TPST2: variants seen among roughly 807,000 people sequenced by gnomAD.
TPST2 encodes tyrosylprotein sulfotransferase 2, also known as protein-tyrosine sulfotransferase 2.
TPST2 carries 16 observed loss-of-function variants against 27.8 expected under a neutral mutation model. That is an observed-to-expected ratio of 0.58 (90% confidence interval 0.39 to 0.88). TPST2 has a LOEUF of 0.88. Ranked by LOEUF, TPST2 falls within the 40% of genes least tolerant of loss-of-function variation. The pLI, the probability that TPST2 is intolerant of heterozygous loss-of-function variation, is 0.00. For missense variants in TPST2, 464 were observed against 543.1 expected (o/e 0.85, Z 1.45); for synonymous variants, 229 against 231.7 (o/e 0.99, Z 0.10).
intron 1 of TPST2, among the ~76,000 whole-genome samples, chr22:26,575,563 T>C (rs1927800717): frequency 6.6e-6 from 1 of 152,118 alleles, no homozygotes; most frequent in South Asian, 2.1e-4. Context: ...AGGAACAGGG[T>C]CTCTCCTGCT....
chr22:26,552,579 A>T (rs1926541058), intron 1 of TPST2, among the ~76,000 whole-genome samples: 1 of 151,924 alleles, frequency 6.6e-6, no homozygotes, highest in South Asian at 2.1e-4. Context: ...AAGTCATAAA[A>T]CCCATGTTTT....
intron 1 of TPST2, among the ~76,000 whole-genome samples, chr22:26,562,356 A>G (rs1927148124): frequency 6.6e-6 from 1 of 152,192 alleles, no homozygotes; most frequent in African/African-American, 2.4e-5. Context: ...CCCCACCATG[A>G]GCCAGACACT....
intron 5 of TPST2, 111 bp from the exon 6 acceptor site, chr22:26,528,373 A>C: frequency 7.8e-7 from 1 of 1,287,124 alleles, no homozygotes; most frequent in Non-Finnish European, 1.1e-6. Context: ...TTATTCACGT[A>C]GTATTTACTG....
chr22:26,550,091 C>G (rs907946552), intron 1 of TPST2, among the ~76,000 whole-genome samples: 3 of 151,632 alleles, frequency 2.0e-5, no homozygotes, highest in African/African-American at 7.3e-5. Context: ...TGGGAGGAAA[C>G]TTTGCTCCCT....
chr22:26,567,064 G>C (rs12628442), intron 1 of TPST2, among the ~76,000 whole-genome samples: 32,088 of 152,124 alleles, frequency 0.21, 3,750 homozygotes, highest in East Asian at 0.38. Flanking sequence ...CCCCCTGGGG[G>C]TGCAGTCATC....
chr22:26,537,275 C>A (rs1019429781), intron 3 of TPST2, among the ~76,000 whole-genome samples: 1 of 152,188 alleles, frequency 6.6e-6, no homozygotes, highest in Non-Finnish European at 1.5e-5. Flanking sequence ...GCCAGATTGC[C>A]TGGGTTCAGA....
chr22:26,553,041 C>T (rs972865231), intron 1 of TPST2, among the ~76,000 whole-genome samples: 4 of 110,918 alleles, frequency 3.6e-5, no homozygotes, highest in African/African-American at 1.4e-4. Context: ...GCCTGGGTGA[C>T]AACAGCGAAA....
At chr22:26,588,579 T>A (rs184139081) in intron 1 of TPST2, among the ~76,000 whole-genome samples, 2 of 152,290 alleles carry the variant, frequency 1.3e-5, no homozygotes, top group South Asian at 2.1e-4. Flanking sequence ...AAAGTTTGCA[T>A]GAGATTTTTA....
chr22:26,528,526 G>A (rs1924968836), intron 5 of TPST2, among the ~76,000 whole-genome samples: 1 of 152,198 alleles, frequency 6.6e-6, no homozygotes, highest in South Asian at 2.1e-4. Flanking sequence ...TGGGCAATAT[G>A]ACAGGCTGCT....
rs1374420723 is a variant in TPST2 at position 26,535,521 on chromosome 22, T to A, written c.1041+767A>T. 2.0e-5 allele frequency among the ~76,000 whole-genome samples: 3 copies of A among 152,248 alleles called. No individual in the cohort carries two copies. The East Asian group carries it at 5.8e-4, about 29-fold the overall frequency. ...GTCAGTCACTGGAGGCTCACACCTGTAATCTCAGCACTTTGGGAAGAGTGA... is the reference window on the plus strand; with the variant it reads ...GTCAGTCACTGGAGGCTCACACCTGAAATCTCAGCACTTTGGGAAGAGTGA... On this transcript the variant is annotated intron_variant, in intron 4 of 6. Transcript: ENST00000338754.
At chr22:26,563,007 A>G (rs1927195783) in intron 1 of TPST2, among the ~76,000 whole-genome samples, 2 of 152,184 alleles carry the variant, frequency 1.3e-5, no homozygotes, top group South Asian at 4.1e-4. Context: ...TAAACATCTT[A>G]CAATGCCCAG....
chr22:26,530,946 C>T (rs1484518652), intron 5 of TPST2, among the ~76,000 whole-genome samples: 1 of 151,624 alleles, frequency 6.6e-6, no homozygotes, highest in East Asian at 1.9e-4. Context: ...GAGGCAGAAG[C>T]CGCAGTGAGC....
chr22:26,566,088 A>T (rs907686526), intron 1 of TPST2, among the ~76,000 whole-genome samples: 3 of 152,198 alleles, frequency 2.0e-5, no homozygotes, highest in Non-Finnish European at 4.4e-5. Flanking sequence ...CTGCAGCCAC[A>T]CGTGGTTTGT....
chr22:26,575,775 CA>C (rs1927809421), intron 1 of TPST2, among the ~76,000 whole-genome samples: 6 of 152,306 alleles, frequency 3.9e-5, no homozygotes, highest in Admixed American at 3.9e-4. Context: ...GTGGGCGGAT[CA>C]TGAGGTCAGG....
At chr22:26,569,972 G>A (rs955592432) in intron 1 of TPST2, among the ~76,000 whole-genome samples, 4 of 7,484 alleles carry the variant, frequency 5.3e-4, no homozygotes, top group Non-Finnish European at 7.2e-4. Flanking sequence ...AAAAAAGGAA[G>A]AAAGAAAGAA....
At chr22:26,556,822 G>T (rs199999710) in intron 1 of TPST2, among the ~76,000 whole-genome samples, 1 of 152,150 alleles carries the variant, frequency 6.6e-6, no homozygotes, top group Non-Finnish European at 1.5e-5. Context: ...ATTCCTGCCC[G>T]TTTCCTCGCC....
chr22:26,560,843 C>T, intron 1 of TPST2: 13 of 1,581,282 alleles, frequency 8.2e-6, no homozygotes, highest in Middle Eastern at 1.7e-4. Context: ...TCCTGTTCTG[C>T]TCTGCGTATC....
intron 1 of TPST2, chr22:26,561,234 T>C: frequency 6.6e-7 from 1 of 1,509,546 alleles, no homozygotes; most frequent in Non-Finnish European, 8.8e-7. Flanking sequence ...TCACTCCTTT[T>C]AAAGAAAAAA....
chr22:26,567,439 A>G (rs971698980), intron 1 of TPST2, among the ~76,000 whole-genome samples: 1 of 152,220 alleles, frequency 6.6e-6, no homozygotes, highest in African/African-American at 2.4e-5. Context: ...AGTTTTGCCC[A>G]TTTTAATTCA....
Sources: allele counts gnomAD v4.1 joint callset (sites outside exome capture counted in the v4.1 genomes callset), GRCh38; gene constraint gnomAD v4.1.1; transcripts MANE v1.5; gene names NCBI Gene and HGNC (gene_info 2026-07-23, HGNC 2026-07-21).